Variants in PARP4 observed in about 807,000 individuals in gnomAD.
The protein encoded by PARP4 is protein mono-ADP-ribosyltransferase PARP4.
A neutral mutation model predicts 187.7 loss-of-function variants in PARP4; 120 were observed. The observed-to-expected ratio is 0.64, with a 90% CI of 0.55 to 0.74. The LOEUF is 0.74. Ranked by LOEUF, PARP4 falls within the 30% of genes least tolerant of loss-of-function variation. The pLI is 0.00. For synonymous variants in PARP4, 654 were observed against 740.9 expected, an observed-to-expected ratio of 0.88 and a Z score of 1.90; for missense variants, 1,836 against 2,070.5, an observed-to-expected ratio of 0.89 and a Z score of 2.20.
In PARP4 at chr13:24,435,136, A is replaced by C; in HGVS notation, c.4005T>G (p.Ser1335Arg). 2 of 1,614,200 alleles carry C rather than the reference A, an allele frequency of 1.2e-6. No individual in the cohort carries two copies. Among genetic ancestry groups the C allele is most frequent in the Admixed American group, 1.7e-5 (1 of 60,024 alleles). The change falls in exon 31 of 34, where the codon AGT (serine) becomes AGG (arginine). Residue 1335 changes from serine (S) to arginine (R), a missense_variant. Ser to Arg is a moderately radical substitution (Grantham distance 110). Transcript: ENST00000381989. ...SYLPPTARAH[S>R]PASLSFASYR... ...ATGAGGCAAAAGACAAGGAAGCAGGACTGTGAGCGCGGGCAGTCGGGGGAA... is the reference window on the plus strand; with the variant it reads ...ATGAGGCAAAAGACAAGGAAGCAGGCCTGTGAGCGCGGGCAGTCGGGGGAA...
intron 25 of PARP4, among the ~76,000 whole-genome samples, chr13:24,448,738 T>C (rs753437817): frequency 6.6e-6 from 1 of 152,138 alleles, no homozygotes; most frequent in Admixed American, 6.5e-5. Flanking sequence ...GATAGATGAA[T>C]GGATAAGCAA....
chr13:24,486,032 TC>T lies in PARP4; in HGVS notation c.1352+135del, dbSNP rs1192096204. The T allele has an allele frequency of 2.3e-5, 16 of 695,094 alleles. No homozygotes were observed. In the East Asian group the frequency reaches 4.5e-4, roughly 19 times the overall value. 43.1% of individuals were successfully genotyped at this position (695,094 alleles called of 1,614,324 possible). Reference sequence around the variant, plus strand: ...CACTTAATTATAAAGTGTGTAATTTTCTCCAGAATGCAGTAAGCTAGCTGAT... The same window carrying T: ...CACTTAATTATAAAGTGTGTAATTTTTCCAGAATGCAGTAAGCTAGCTGAT... On this transcript the variant is annotated intron_variant, in intron 11 of 33. Coordinates refer to ENST00000381989, the MANE Select transcript of PARP4 (RefSeq NM_006437.4).
At chr13:24,483,313 C>T (rs1468428510) in intron 12 of PARP4, among the ~76,000 whole-genome samples, 4 of 149,970 alleles carry the variant, frequency 2.7e-5, no homozygotes, top group African/African-American at 4.9e-5. Context: ...GGTGAAACCC[C>T]GTCTCTACTA....
At chr13:24,508,265 T>C (rs1423904569) in intron 1 of PARP4, among the ~76,000 whole-genome samples, 1 of 152,226 alleles carries the variant, frequency 6.6e-6, no homozygotes, top group African/African-American at 2.4e-5. Flanking sequence ...CCCCCACTTA[T>C]GCTGACCAAG....
intron 1 of PARP4, among the ~76,000 whole-genome samples, chr13:24,510,451 G>A (rs1232765032): frequency 6.7e-6 from 1 of 150,364 alleles, no homozygotes; most frequent in East Asian, 2.0e-4. Context: ...CTACTTGGGA[G>A]GCTGAGGCAG....
intron 27 of PARP4, among the ~76,000 whole-genome samples, chr13:24,445,563 C>A (rs1424918496): frequency 3.3e-5 from 5 of 152,174 alleles, no homozygotes; most frequent in Admixed American, 1.3e-4. Flanking sequence ...GGATGGTGCA[C>A]CCCAACTGTA....
intron 10 of PARP4, among the ~76,000 whole-genome samples, chr13:24,488,717 T>C (rs868294735): frequency 6.7e-6 from 1 of 150,230 alleles, no homozygotes; most frequent in Non-Finnish European, 1.5e-5. Flanking sequence ...GTGTACAATT[T>C]GGTAGTATTT....
At position 24,452,549 on chromosome 13, in the gene PARP4, G is replaced by T; in HGVS notation, c.2871C>A (p.Leu957=). 6.2e-7 allele frequency: 1 copy of T among 1,614,088 alleles called. No homozygotes were observed. Among genetic ancestry groups the T allele is most frequent in the Non-Finnish European group, 8.5e-7 (1 of 1,179,972 alleles). Residue 957 remains leucine, a synonymous_variant, in exon 24 of 34, where the codon CTC becomes CTA. Coordinates refer to ENST00000381989, the MANE Select transcript of PARP4 (RefSeq NM_006437.4). ...CAGGGTACAATAAGCTAAGATATCG[G>T]AGTGTTTTCCAGAAGTCTGTGTTCC... ...TMGNTDFWKT[L]RYLSLLYPAR...
chr13:24,507,973 G>C (rs1233365227), intron 1 of PARP4, among the ~76,000 whole-genome samples: 1 of 152,126 alleles, frequency 6.6e-6, no homozygotes, highest in Non-Finnish European at 1.5e-5. Flanking sequence ...TCTTTCTTTT[G>C]AGGTCCGGTT....
At chr13:24,471,879 C>A (rs562032223) in intron 15 of PARP4, among the ~76,000 whole-genome samples, 2 of 152,202 alleles carry the variant, frequency 1.3e-5, no homozygotes, top group African/African-American at 4.8e-5. Context: ...ATAGCCACTA[C>A]ACTGATGGGC....
At chr13:24,428,809 T>C (rs1163611154) in intron 32 of PARP4, among the ~76,000 whole-genome samples, 1 of 152,244 alleles carries the variant, frequency 6.6e-6, no homozygotes, top group Non-Finnish European at 1.5e-5. Flanking sequence ...CTGGCCTATC[T>C]AAATGTGGTC....
intron 30 of PARP4, among the ~76,000 whole-genome samples, chr13:24,440,487 C>T (rs1273212737): frequency 6.6e-6 from 1 of 151,896 alleles, no homozygotes; most frequent in Non-Finnish European, 1.5e-5. Flanking sequence ...GCTTTCTGCC[C>T]CATCTGTTTG....
At chr13:24,496,512 C>T (rs2137537094) in intron 6 of PARP4, among the ~76,000 whole-genome samples, 1 of 152,236 alleles carries the variant, frequency 6.6e-6, no homozygotes, top group Admixed American at 6.5e-5. Context: ...GGGTATGTCC[C>T]TTGAGGGCAT....
intron 1 of PARP4, among the ~76,000 whole-genome samples, chr13:24,511,189 A>G (rs1870002345): frequency 6.6e-6 from 1 of 152,174 alleles, no homozygotes; most frequent in Non-Finnish European, 1.5e-5. Context: ...TGAAATCTCA[A>G]GTCAGGTCTT....
At chr13:24,462,336 G>GAGAGT in intron 17 of PARP4, among the ~76,000 whole-genome samples, 1 of 152,302 alleles carries the variant, frequency 6.6e-6, no homozygotes, top group East Asian at 1.9e-4. Context: ...ACCACTGGAG[G>GAGAGT]AATTTGAGAC....
At chr13:24,458,527 T>C (rs1384505795) in intron 20 of PARP4, among the ~76,000 whole-genome samples, 1 of 151,874 alleles carries the variant, frequency 6.6e-6, no homozygotes, top group East Asian at 1.9e-4. Context: ...AAGTGAGCCA[T>C]GACTGCACCA....
At chr13:24,488,550 C>T (rs1035978769) in intron 10 of PARP4, among the ~76,000 whole-genome samples, 2 of 151,762 alleles carry the variant, frequency 1.3e-5, no homozygotes, top group Non-Finnish European at 2.9e-5. Context: ...GACAGGGTTT[C>T]ACCATGTTGC....
intron 10 of PARP4, among the ~76,000 whole-genome samples, chr13:24,487,516 C>T (rs117077381): frequency 0.078 from 11,837 of 152,064 alleles, 525 homozygotes; most frequent in Non-Finnish European, 0.11. Flanking sequence ...ATGGAAGTAG[C>T]CAACAGATGA....
chr13:24,437,778 G>A (rs1256228915), intron 30 of PARP4, among the ~76,000 whole-genome samples: 1 of 144,940 alleles, frequency 6.9e-6, no homozygotes, highest in East Asian at 2.1e-4. Flanking sequence ...GTTCAAAGCT[G>A]TAGTGCTCTG....
Sources: allele counts gnomAD v4.1 joint callset (sites outside exome capture counted in the v4.1 genomes callset), GRCh38; gene constraint gnomAD v4.1.1; transcripts MANE v1.5; gene names NCBI Gene and HGNC (gene_info 2026-07-23, HGNC 2026-07-21).